Variants in UXS1 observed in about 807,000 individuals in gnomAD.
The protein encoded by UXS1 is UDP-glucuronic acid decarboxylase 1.
UXS1 carries 33 observed loss-of-function variants against 62.6 expected under a neutral mutation model. The ratio of observed to expected loss-of-function variants is 0.53; its 90% CI spans 0.40 to 0.70. The LOEUF (loss-of-function observed/expected upper bound fraction) is 0.70, where lower values mean the gene tolerates loss of function less well. UXS1 is among the 30% of genes least tolerant of loss of function. The pLI is 0.00. For missense variants in UXS1, 434 were observed against 556.3 expected, an observed-to-expected ratio of 0.78 and a Z score of 2.21; for synonymous variants, 213 against 206.8, an observed-to-expected ratio of 1.03 and a Z score of -0.26.
At chr2:106,154,757 G>GT (rs1682302279) in intron 5 of UXS1, among the ~76,000 whole-genome samples, 1 of 152,210 alleles carries the variant, frequency 6.6e-6, no homozygotes, top group East Asian at 1.9e-4. Context: ...CTTGTCACAT[G>GT]TAAGGGAACC....
intron 6 of UXS1, among the ~76,000 whole-genome samples, chr2:106,136,766 G>T (rs1463242748): frequency 3.6e-5 from 2 of 55,056 alleles, no homozygotes; most frequent in African/African-American, 1.5e-4. Flanking sequence ...CTGTGGTGGG[G>T]TCGGGGGAGG....
intron 12 of UXS1, among the ~76,000 whole-genome samples, chr2:106,099,858 C>T (rs1479564105): frequency 1.3e-5 from 2 of 152,172 alleles, no homozygotes; most frequent in African/African-American, 4.8e-5. Flanking sequence ...CACACTGTAC[C>T]CATGAATCAG....
At position 106,143,387 on chromosome 2, in the gene UXS1, CAACAGAGAGAGACT is replaced by C. The variant is rs1321423284; in HGVS notation, c.472+1789_472+1802del. Among the ~76,000 whole-genome samples the C allele has an allele frequency of 7.8e-3, 772 of 98,394 alleles. 10 individuals carry two copies. The highest frequency in any genetic ancestry group is 0.074 in the Admixed American group (488 of 6,632). 64.6% of individuals were successfully genotyped at this position (98,394 alleles called of 152,430 possible). A position where few individuals can be genotyped will look rare whatever the true frequency, so the allele number is the denominator to read the frequency against. ...TCGTGCCACTGCACTCCAGCCTGGGCAACAGAGAGAGACTCCGTCTCAAAAAAAAAAAAAAAAAA... is the reference window on the plus strand; with the variant it reads ...TCGTGCCACTGCACTCCAGCCTGGGCCCGTCTCAAAAAAAAAAAAAAAAAA... On this transcript the variant is annotated intron_variant, in intron 6 of 14. Coordinates refer to ENST00000283148, the MANE Select transcript of UXS1 (RefSeq NM_001253875.2).
At chr2:106,122,884 T>C (rs1679632759) in intron 9 of UXS1, 86 bp downstream of exon 9, 4 of 1,524,868 alleles carry the variant, frequency 2.6e-6, no homozygotes, top group Non-Finnish European at 3.5e-6. Context: ...AAATCAGTCA[T>C]GGCATTCATT....
At position 106,122,330 on chromosome 2, in the gene UXS1, G is replaced by A. The variant is rs1373774163; in HGVS notation, c.759+640C>T. On this transcript the variant is annotated intron_variant, in intron 9 of 14. Coordinates refer to ENST00000283148, the MANE Select transcript of UXS1 (RefSeq NM_001253875.2). ...TTCTCTGCACAGTTCATTGGCTCCT[G>A]CACCACCCTGAGATGGGCAGGGCAG... 6.6e-5 allele frequency among the ~76,000 whole-genome samples: 10 copies of A among 152,180 alleles called. No individual in the cohort carries two copies. The East Asian group carries it at 1.5e-3, about 23-fold the overall frequency.
chr2:106,157,192 T>C (rs2105036882), intron 5 of UXS1, among the ~76,000 whole-genome samples: 2 of 152,254 alleles, frequency 1.3e-5, no homozygotes, highest in African/African-American at 4.8e-5. Context: ...CACAACTCTG[T>C]GAATACATTA....
intron 4 of UXS1, among the ~76,000 whole-genome samples, chr2:106,162,070 G>A (rs575332852): frequency 5.9e-5 from 9 of 152,204 alleles, no homozygotes; most frequent in Non-Finnish European, 7.4e-5. Flanking sequence ...CCACCGTCAC[G>A]CTTTTTTAGC....
intron 10 of UXS1, among the ~76,000 whole-genome samples, chr2:106,111,719 T>C (rs1442754654): frequency 1.3e-5 from 2 of 152,132 alleles, no homozygotes; most frequent in East Asian, 1.9e-4. Context: ...AATCAATGGG[T>C]AGATGCATAT....
intron 6 of UXS1, among the ~76,000 whole-genome samples, chr2:106,136,974 A>C (rs1299117562): frequency 6.8e-6 from 1 of 147,610 alleles, no homozygotes; most frequent in Admixed American, 6.7e-5. Flanking sequence ...ACAAAAAAAA[A>C]AAAAAAAAAA....
Position 106,176,284 on chromosome 2 carries a change from A to T in UXS1, c.95-10201T>A, listed in dbSNP as rs76095989. Among the ~76,000 whole-genome samples, 280 of 152,342 alleles carry T rather than the reference A, an allele frequency of 1.8e-3. 1 individual carries two copies. Among genetic ancestry groups the T allele is most frequent in the African/African-American group, 6.3e-3 (260 of 41,570 alleles). On this transcript the variant is annotated intron_variant, in intron 1 of 14. Coordinates refer to ENST00000283148, the MANE Select transcript of UXS1 (RefSeq NM_001253875.2). Reference sequence around the variant, plus strand: ...CCCCAATCATCCTAGCACTCTGGAAAAGGGCAAATCTTCGACTTTCCTTGG... The same window carrying T: ...CCCCAATCATCCTAGCACTCTGGAATAGGGCAAATCTTCGACTTTCCTTGG...
At chr2:106,157,115 G>A (rs1379669235) in intron 5 of UXS1, among the ~76,000 whole-genome samples, 9 of 152,200 alleles carry the variant, frequency 5.9e-5, no homozygotes, top group Non-Finnish European at 8.8e-5. Context: ...GGGGAAAATG[G>A]AGAGTGACTG....
rs780617995 is a variant in UXS1, at chr2:106,164,798, A to C, written c.124T>G (p.Phe42Val). ...SVWGNFVNMSFLLNRSIQENG... is the reference protein window; with the variant it reads ...SVWGNFVNMSVLLNRSIQENG... ...TCCTGGATAGACCTGTTGAGTAGAA[A>C]GCTATAAAACTGAGATCAACTGAAA... The change falls in exon 3 of 15, where the codon TTT (phenylalanine) becomes GTT (valine). Residue 42 changes from phenylalanine (F) to valine (V), a missense_variant and splice_region_variant. Phe to Val is a conservative substitution (Grantham distance 50). This residue lies in a region of UXS1 where 91 missense variants were observed against 71.1 expected (regional missense o/e 1.28). Coordinates refer to ENST00000283148, the MANE Select transcript of UXS1 (RefSeq NM_001253875.2). 2.2e-4 allele frequency: 354 copies of C among 1,585,462 alleles called. No individual in the cohort carries two copies. In the East Asian group the frequency reaches 7.9e-3, roughly 35 times the overall value.
chr2:106,182,582 G>A (rs369750238), intron 1 of UXS1, among the ~76,000 whole-genome samples: 1 of 152,100 alleles, frequency 6.6e-6, no homozygotes, highest in East Asian at 1.9e-4. Flanking sequence ...AAGAAGGTGA[G>A]AGAGGGATCT....
chr2:106,138,871 G>C (rs1680872070), intron 6 of UXS1: 1 of 985,326 alleles, frequency 1.0e-6, no homozygotes, highest in Non-Finnish European at 1.2e-6. Flanking sequence ...AATAACTCCA[G>C]TTCCTATCCT....
intron 13 of UXS1, chr2:106,097,294 C>T: frequency 2.3e-6 from 1 of 442,404 alleles, no homozygotes; most frequent in South Asian, 1.6e-5. Flanking sequence ...GTGCAGCCAC[C>T]CAGCTGGAGG....
intron 1 of UXS1, among the ~76,000 whole-genome samples, chr2:106,173,615 T>C (rs1683697844): frequency 6.6e-6 from 1 of 152,144 alleles, no homozygotes; most frequent in Non-Finnish European, 1.5e-5. Context: ...AATATTGCAG[T>C]TTTGTGGGAC....
rs181883985 is a variant in UXS1 at position 106,111,577 on chromosome 2, C to T, written c.879+1069G>A. On this transcript the variant is annotated intron_variant, in intron 10 of 14. Coordinates refer to ENST00000283148, the MANE Select transcript of UXS1 (RefSeq NM_001253875.2). ...GGGGGCTCTGGCTTCAAAACCCAGG[C>T]TACCACTGTGTGGCCACCTAAGCTT... is the stretch of plus-strand genomic sequence containing the variant. Among the ~76,000 whole-genome samples, 1,170 of 152,282 alleles carry T rather than the reference C, an allele frequency of 7.7e-3. 4 individuals are homozygous for T. Among genetic ancestry groups the T allele is most frequent in the Non-Finnish European group, 0.011 (743 of 68,026 alleles).
chr2:106,138,123 G>A, intron 6 of UXS1: 3 of 970,222 alleles, frequency 3.1e-6, no homozygotes, highest in Non-Finnish European at 3.7e-6. Flanking sequence ...TGCCTTGAGA[G>A]TACAGGAAGC....
chr2:106,114,646 A>G (rs1361757665), intron 9 of UXS1, among the ~76,000 whole-genome samples: 1 of 152,202 alleles, frequency 6.6e-6, no homozygotes, highest in Non-Finnish European at 1.5e-5. Context: ...TCCACAAAAC[A>G]ATATTCCGGA....
Sources: gnomAD v4.1 joint callset for allele counts (sites outside exome capture counted in the v4.1 genomes callset) on GRCh38, gnomAD v4.1.1 for gene constraint, gnomAD v4.1.1 regional missense constraint, MANE v1.5 for transcripts, NCBI Gene and HGNC (gene_info 2026-07-23, HGNC 2026-07-21) for gene names.